The following PALMD variants were observed in gnomAD, a reference collection of about 807,000 sequenced individuals.
PALMD encodes paralemmin-like protein.
A neutral mutation model predicts 56.2 loss-of-function variants in PALMD; 42 were observed. The observed-to-expected ratio is 0.75, with a 90% CI of 0.58 to 0.97. The LOEUF (loss-of-function observed/expected upper bound fraction) is 0.97. Among genes scored for constraint, PALMD ranks in the 50% least tolerant of loss-of-function variants. The pLI is 0.00. For missense variants in PALMD, 660 were observed against 643.8 expected (o/e 1.03, Z -0.27); for synonymous variants, 242 against 222.9 (o/e 1.09, Z -0.76).
intron 1 of PALMD, among the ~76,000 whole-genome samples, chr1:99,657,692 T>C (rs1652756960): frequency 6.6e-6 from 1 of 152,224 alleles, no homozygotes; most frequent in South Asian, 2.1e-4. Context: ...CCATTCAGTA[T>C]TAGCTACTGA....
Position 99,677,707 on chromosome 1 carries a change from T to C in PALMD, c.252-8969T>C, listed in dbSNP as rs74481881. Among the ~76,000 whole-genome samples, 367 of 152,264 alleles carry C rather than the reference T, an allele frequency of 2.4e-3. 10 individuals are homozygous for C. The East Asian group carries it at 0.068, about 28-fold the overall frequency. ...TGAATGCCAAGGACACTGGGAAATG[T>C]AGTCCATAGCAAGGTAGCCAGGAAG... is the stretch of plus-strand genomic sequence containing the variant. On this transcript the variant is annotated intron_variant, in intron 3 of 7. Transcript: ENST00000263174.
At chr1:99,683,242 A>T (rs1213139553) in intron 3 of PALMD, 1 of 152,092 alleles carries the variant, frequency 6.6e-6, no homozygotes, top group Non-Finnish European at 1.5e-5. Flanking sequence ...AGGCCTTGGA[A>T]TTCTTATCTC....
chr1:99,647,281 GA>G (rs947759866), intron 1 of PALMD, among the ~76,000 whole-genome samples: 1 of 152,016 alleles, frequency 6.6e-6, no homozygotes, highest in African/African-American at 2.4e-5. Flanking sequence ...TTAGGTATAG[GA>G]AAAAAATGAG....
intron 1 of PALMD, among the ~76,000 whole-genome samples, chr1:99,653,175 A>T (rs532694057): frequency 9.7e-4 from 147 of 152,282 alleles, no homozygotes; most frequent in Non-Finnish European, 1.7e-3. Context: ...AAAACAACAA[A>T]ACAAAAAAAC....
In PALMD at chr1:99,646,298, G is replaced by A. The variant is rs1486264390; in HGVS notation, c.-20G>A. 2 of 1,610,900 alleles carry A rather than the reference G, an allele frequency of 1.2e-6. No homozygotes were observed. Among genetic ancestry groups the A allele is most frequent in the Non-Finnish European group, 1.7e-6 (2 of 1,177,106 alleles). ...TAGCTTTGGACTTGCTTCCCCGTCTGACTGTCCTTGACTTCTAGAATGGAA... is the reference window on the plus strand; with the variant it reads ...TAGCTTTGGACTTGCTTCCCCGTCTAACTGTCCTTGACTTCTAGAATGGAA... On this transcript the variant is annotated 5_prime_UTR_variant, in exon 1 of 8. Transcript: ENST00000263174.
At chr1:99,664,594 T>G (rs12238986) in intron 2 of PALMD, among the ~76,000 whole-genome samples, 5,455 of 152,228 alleles carry the variant, frequency 0.036, 324 homozygotes, top group African/African-American at 0.12. Flanking sequence ...GTAGAGCACA[T>G]TCTTCCAAGT....
intron 3 of PALMD, among the ~76,000 whole-genome samples, chr1:99,679,563 A>C (rs992889824): frequency 2.6e-5 from 4 of 152,184 alleles, no homozygotes; most frequent in Non-Finnish European, 5.9e-5. Context: ...TAGGACAGAA[A>C]TATTACCTTT....
intron 1 of PALMD, among the ~76,000 whole-genome samples, chr1:99,648,774 G>A (rs918628464): frequency 6.0e-5 from 9 of 151,192 alleles, no homozygotes; most frequent in Non-Finnish European, 1.3e-4. Context: ...TATTCTACCT[G>A]GTTTCAAGTG....
intron 1 of PALMD, among the ~76,000 whole-genome samples, chr1:99,656,861 C>T (rs1652735479): frequency 6.6e-6 from 1 of 152,116 alleles, no homozygotes; most frequent in Admixed American, 6.5e-5. Flanking sequence ...GCATTTGGAC[C>T]GTAGGATCAC....
chr1:99,693,953 A>G lies in PALMD; in HGVS notation c.1613-66A>G. The G allele has an allele frequency of 5.1e-6, 5 of 984,626 alleles. No individual in the cohort carries two copies. In the South Asian group the frequency reaches 7.0e-5, roughly 14 times the overall value. The allele number at this position is 984,626 out of a possible 1,614,324, so 61.0% of individuals were successfully genotyped here. On this transcript the variant is annotated intron_variant, in intron 7 of 7. Coordinates refer to ENST00000263174, the MANE Select transcript of PALMD (RefSeq NM_017734.5). ...TTCTAAACTTTCCTGCATTCTATGA[A>G]TGGCCATTTAGAGTAAAAATTGAGG...
At chr1:99,666,143 T>C (rs12092957) in intron 2 of PALMD, among the ~76,000 whole-genome samples, 1,625 of 152,236 alleles carry the variant, frequency 0.011, 30 homozygotes, top group African/African-American at 0.037. Context: ...TTCAGGCCCC[T>C]TCACTTCTTC....
chr1:99,655,967 C>A (rs917762632), intron 1 of PALMD, among the ~76,000 whole-genome samples: 1 of 151,342 alleles, frequency 6.6e-6, no homozygotes, highest in Non-Finnish European at 1.5e-5. Flanking sequence ...CACACACACA[C>A]GCATGCACTT....
rs1380929370 is a variant in PALMD, at chr1:99,686,519, T to C, written c.252-157T>C. 5 of 511,014 alleles carry C rather than the reference T, an allele frequency of 9.8e-6. No individual in the cohort carries two copies. In the African/African-American group the frequency reaches 1.0e-4, roughly 10 times the overall value. The allele number at this position is 511,014 out of a possible 1,614,324, so 31.7% of individuals were successfully genotyped here. A position where few individuals can be genotyped will look rare whatever the true frequency, so the allele number is the denominator to read the frequency against. On this transcript the variant is annotated intron_variant, in intron 3 of 7. Coordinates refer to ENST00000263174, the MANE Select transcript of PALMD (RefSeq NM_017734.5). ...GGTATCTTCCATATATTAAGTATCA[T>C]GCTTAGTGTGATGCTAAGTGTGACA...
chr1:99,689,222 G>T lies in PALMD; in HGVS notation c.962G>T (p.Ser321Ile), dbSNP rs200604804. 108 of 1,613,600 alleles carry T rather than the reference G, an allele frequency of 6.7e-5. No individual in the cohort carries two copies. The highest frequency in any genetic ancestry group is 5.0e-4 in the Middle Eastern group (3 of 6,060). Reference protein sequence around the residue: ...EERGNNFNHISPIPPVPHPRS... With the variant: ...EERGNNFNHIIPIPPVPHPRS... ...AGGGGAAACAACTTCAATCACATCA[G>T]TCCCATTCCGCCAGTGCCTCATCCC... The change falls in exon 7 of 8, where the codon AGT becomes ATT. Residue 321 changes from serine to isoleucine, a missense_variant. Coordinates refer to ENST00000263174, the MANE Select transcript of PALMD (RefSeq NM_017734.5).
chr1:99,676,948 C>T (rs1653226305), intron 3 of PALMD, among the ~76,000 whole-genome samples: 1 of 152,128 alleles, frequency 6.6e-6, no homozygotes, highest in Non-Finnish European at 1.5e-5. Context: ...ATATGACTAA[C>T]ACACTGCAGT....
At chr1:99,667,608 T>C in intron 2 of PALMD, 34 bp from the exon 3 acceptor site, 2 of 1,594,116 alleles carry the variant, frequency 1.3e-6, no homozygotes, top group East Asian at 4.5e-5. Flanking sequence ...TATTGACCAA[T>C]ATAAGAACAT....
chr1:99,652,510 A>G (rs1309168452), intron 1 of PALMD, among the ~76,000 whole-genome samples: 1 of 151,958 alleles, frequency 6.6e-6, no homozygotes, highest in African/African-American at 2.4e-5. Context: ...AAGCTGAGGA[A>G]CGAGAATTGC....
Position 99,689,329 on chromosome 1 carries a change from A to G in PALMD, c.1069A>G (p.Met357Val). The G allele has an allele frequency of 1.2e-6, 2 of 1,613,704 alleles. No individual in the cohort carries two copies. Among genetic ancestry groups the G allele is most frequent in the Non-Finnish European group, 1.7e-6 (2 of 1,179,846 alleles). ...GACTCCTTGGGAAGAATCGAATGTCATGCAGGACAAAGATGCACCCTCTCC... is the reference window on the plus strand; with the variant it reads ...GACTCCTTGGGAAGAATCGAATGTCGTGCAGGACAAAGATGCACCCTCTCC... ...LMTPWEESNV[M>V]QDKDAPSPKP... The change falls in exon 7 of 8, where the codon ATG (methionine) becomes GTG (valine). Residue 357 changes from methionine to valine, a missense_variant. Transcript: ENST00000263174.
intron 1 of PALMD, among the ~76,000 whole-genome samples, chr1:99,655,120 AG>A (rs1362495328): frequency 6.6e-6 from 1 of 152,130 alleles, no homozygotes; most frequent in Non-Finnish European, 1.5e-5. Context: ...AAGTAATAAA[AG>A]TTTCATACTA....
Sources: gnomAD v4.1 joint callset for allele counts (sites outside exome capture counted in the v4.1 genomes callset) on GRCh38, gnomAD v4.1.1 for gene constraint, MANE v1.5 for transcripts, NCBI Gene and HGNC (gene_info 2026-07-23, HGNC 2026-07-21) for gene names.